Variants in GRID2IP observed in about 807,000 individuals in gnomAD.
GRID2IP encodes the protein Grid2 interacting protein.
In GRID2IP, 78 loss-of-function variants were observed where a neutral mutation model predicts 114.3. The observed-to-expected ratio is 0.68, with a 90% CI of 0.57 to 0.82. The LOEUF is 0.82. Ranked by LOEUF, GRID2IP falls within the 40% of genes least tolerant of loss-of-function variation. The pLI is 0.00. For missense variants in GRID2IP, 1,727 were observed against 1,678.5 expected, an observed-to-expected ratio of 1.03 and a Z score of -0.51; for synonymous variants, 809 against 724.0, an observed-to-expected ratio of 1.12 and a Z score of -1.89.
rs909401238 is a variant in GRID2IP at position 6,506,943 on chromosome 7, A to G, written c.2545-1036T>C. 1.3e-5 allele frequency among the ~76,000 whole-genome samples: 2 copies of G among 152,058 alleles called. No homozygotes were observed. Among genetic ancestry groups the G allele is most frequent in the Admixed American group, 6.6e-5 (1 of 15,256 alleles). ...AGCAGTCCTCCCGCCTCAGCCTCCC[A>G]AAGTGCTGGGATTACAGGCGTGAAC... On this transcript the variant is annotated intron_variant, in intron 13 of 21. Transcript: ENST00000457091. The surrounding 1 kb of genome is among the most constrained non-coding windows in gnomAD (Gnocchi z 5.2).
intron 2 of GRID2IP, among the ~76,000 whole-genome samples, chr7:6,531,663 T>C (rs1779628602): frequency 6.6e-6 from 1 of 152,240 alleles, no homozygotes; most frequent in Non-Finnish European, 1.5e-5. Flanking sequence ...CATGCCTGGC[T>C]AATTATCGGC....
chr7:6,499,334 C>T (rs1398312728), intron 20 of GRID2IP, among the ~76,000 whole-genome samples: 1 of 152,134 alleles, frequency 6.6e-6, no homozygotes, highest in African/African-American at 2.4e-5. Flanking sequence ...ACTGACTTGC[C>T]CATAGTCCCA....
chr7:6,511,419 T>C (rs950224909), intron 8 of GRID2IP, among the ~76,000 whole-genome samples: 2 of 151,906 alleles, frequency 1.3e-5, no homozygotes, highest in South Asian at 2.1e-4. Context: ...GTTGCCCAGG[T>C]GGGAGTGCAG....
intron 9 of GRID2IP, 61 bp from the exon 10 acceptor site, chr7:6,510,767 C>A (rs1451570150): frequency 6.7e-7 from 1 of 1,502,402 alleles, no homozygotes; most frequent in East Asian, 2.5e-5. Context: ...CGGCCCAGAA[C>A]CAACATGCCC....
rs769629826 is a variant in GRID2IP, at chr7:6,497,883, T to C, written c.3565-38A>G. The C allele has an allele frequency of 2.6e-6, 4 of 1,523,214 alleles. No homozygotes were observed. In the African/African-American group the frequency reaches 5.5e-5, roughly 21 times the overall value. 94.4% of individuals were successfully genotyped at this position (1,523,214 alleles called of 1,614,324 possible). ...AACACAGAGGTAGGGTGGTCAGTGGTCCCAGGAACCTGTGACGCCTTCCCT... is the reference window on the plus strand; with the variant it reads ...AACACAGAGGTAGGGTGGTCAGTGGCCCCAGGAACCTGTGACGCCTTCCCT... On this transcript the variant is annotated intron_variant, in intron 21 of 21. Coordinates refer to ENST00000457091, the MANE Select transcript of GRID2IP (RefSeq NM_001145118.2).
At position 6,515,199 on chromosome 7, in the gene GRID2IP, C is replaced by T. The variant is rs190051766; in HGVS notation, c.1269-670G>A. Among the ~76,000 whole-genome samples, 36 of 152,182 alleles carry T rather than the reference C, an allele frequency of 2.4e-4. No individual in the cohort carries two copies. The East Asian group carries it at 4.6e-3, about 20-fold the overall frequency. ...AGAGCAGGCCTGGCGTGGCGGCTCA[C>T]GCCTGTAATCCCAGCACTGTGGGAG... On this transcript the variant is annotated intron_variant, in intron 7 of 21. Coordinates refer to ENST00000457091, the MANE Select transcript of GRID2IP (RefSeq NM_001145118.2).
chr7:6,504,976 G>A, intron 14 of GRID2IP, 106 bp from the exon 15 acceptor site: 2 of 852,540 alleles, frequency 2.3e-6, no homozygotes, highest in Non-Finnish European at 3.8e-6. Flanking sequence ...CCCTAAGCAC[G>A]ACCTCGACTT....
chr7:6,539,324 T>C (rs933161490), intron 2 of GRID2IP, among the ~76,000 whole-genome samples: 1 of 152,002 alleles, frequency 6.6e-6, no homozygotes, highest in African/African-American at 2.4e-5. Context: ...ATGGGGTCTT[T>C]CTATGTTGCG....
chr7:6,497,520 G>A lies in GRID2IP; in HGVS notation c.*254C>T, dbSNP rs1786287091. ...AAGTGGGAAGTGGGCCCAAGAAGCCGACAGAGCACGGTCCTCCATGTGCAG... is the reference window on the plus strand; with the variant it reads ...AAGTGGGAAGTGGGCCCAAGAAGCCAACAGAGCACGGTCCTCCATGTGCAG... On this transcript the variant is annotated 3_prime_UTR_variant, in exon 22 of 22. Coordinates refer to ENST00000457091, the MANE Select transcript of GRID2IP (RefSeq NM_001145118.2). The A allele has an allele frequency of 1.1e-5, 4 of 380,372 alleles. No homozygotes were observed. Among genetic ancestry groups the A allele is most frequent in the South Asian group, 7.0e-5 (1 of 14,354 alleles). The allele number at this position is 380,372 out of a possible 1,614,324, so 23.6% of individuals were successfully genotyped here. A position where few individuals can be genotyped will look rare whatever the true frequency, so the allele number is the denominator to read the frequency against.
intron 15 of GRID2IP, 67 bp from the exon 16 acceptor site, chr7:6,503,754 G>GAGGGC (rs1374152954): frequency 2.4e-6 from 3 of 1,253,642 alleles, no homozygotes; most frequent in Non-Finnish European, 3.2e-6. Flanking sequence ...CCAAGACGGA[G>GAGGGC]AGGGCAGGGC....
intron 4 of GRID2IP, 98 bp from the exon 5 acceptor site, chr7:6,522,055 G>A: frequency 2.1e-6 from 2 of 973,768 alleles, no homozygotes; most frequent in South Asian, 2.9e-5. Flanking sequence ...TGGAGACTCA[G>A]AGACCCATAG....
rs921639198 is a variant in GRID2IP, at chr7:6,521,116, A to G, written c.1084+313T>C. On this transcript the variant is annotated intron_variant, in intron 6 of 21. Transcript: ENST00000457091. The surrounding 1 kb of genome is among the most constrained non-coding windows in gnomAD (Gnocchi z 4.1). ...CTCCCAAGTAGCTGGGACTACAGGC[A>G]CGTGCCATCACGCCCAGCTAGTTTT... Among the ~76,000 whole-genome samples, 1 of 152,116 alleles carries G rather than the reference A, an allele frequency of 6.6e-6. No individual in the cohort carries two copies. Among genetic ancestry groups the G allele is most frequent in the African/African-American group, 2.4e-5 (1 of 41,426 alleles).
In GRID2IP at chr7:6,497,828, C is replaced by T. The variant is rs1786299467; in HGVS notation, c.3582G>A (p.Leu1194=). ...MSKFERALSD[L]QAGEGLRSSG... ...AGCTGCGCAGGCCCTCCCCGGCCTG[C>T]AGGTCACTCAGCGCTCGCTGGGGAG... The change falls in exon 22 of 22, where the codon CTG becomes CTA. Residue 1194 remains leucine, a synonymous_variant. Coordinates refer to ENST00000457091, the MANE Select transcript of GRID2IP (RefSeq NM_001145118.2). The T allele has an allele frequency of 6.5e-7, 1 of 1,550,118 alleles. No homozygotes were observed. Among genetic ancestry groups the T allele is most frequent in the African/African-American group, 1.4e-5 (1 of 73,066 alleles).
Position 6,503,630 on chromosome 7 carries a change from C to G in GRID2IP, c.2768G>C (p.Ser923Thr). The change falls in exon 16 of 22, where the codon AGC becomes ACC. Residue 923 changes from serine to threonine, a missense_variant. By Grantham distance (58) the Ser-to-Thr change is moderately conservative. Transcript: ENST00000457091. The part of the protein sequence containing the change: ...SPAELRQVLM[S>T]MEPRRLEPAH... ...GGGCTCCAGGCGCCGGGGCTCCATG[C>G]TCATCAGCACCTGGCGCAGCTCCGC... The G allele has an allele frequency of 6.6e-7, 1 of 1,526,608 alleles. No individual in the cohort carries two copies. The highest frequency in any genetic ancestry group is 8.7e-7 in the Non-Finnish European group (1 of 1,143,382). The allele number at this position is 1,526,608 out of a possible 1,614,324, so 94.6% of individuals were successfully genotyped here.
Position 6,502,788 on chromosome 7 carries a change from C to A in GRID2IP, c.3148G>T (p.Glu1050Ter). The A allele has an allele frequency of 6.4e-7, 1 of 1,551,200 alleles. No individual in the cohort carries two copies. Among genetic ancestry groups the A allele is most frequent in the East Asian group, 2.4e-5 (1 of 40,916 alleles). Residue 1050 changes from glutamate (E) to a stop codon, truncating the protein, a stop_gained and splice_region_variant, in exon 18 of 22, where the codon GAG (glutamate) becomes TAG (stop). Coordinates refer to ENST00000457091, the MANE Select transcript of GRID2IP (RefSeq NM_001145118.2). LOFTEE classifies it high-confidence loss of function. ...TTGCTGCCGGCAGGTCCCCTCACCT[C>A]TGTCAGAAAGTTGATCTTGAAGCCC... ...TTGFKINFLTELNSTKTVDGK... is the reference protein window; with the variant it reads ...TTGFKINFLT
At chr7:6,546,698 C>G (rs1347058384) in intron 1 of GRID2IP, among the ~76,000 whole-genome samples, 1 of 152,100 alleles carries the variant, frequency 6.6e-6, no homozygotes, top group African/African-American at 2.4e-5. Flanking sequence ...CCAAAATCCT[C>G]CACTTCCCCG....
Position 6,550,537 on chromosome 7 carries a change from G to A in GRID2IP, c.429+471C>T, listed in dbSNP as rs1024814589. ...TAAAAATTGCAAAATTAGGCCGGGC[G>A]CAGTGGCTCATGCCTGTAATCCCAG... On this transcript the variant is annotated intron_variant, in intron 1 of 21. Transcript: ENST00000457091. 7.9e-5 allele frequency among the ~76,000 whole-genome samples: 12 copies of A among 151,808 alleles called. No individual in the cohort carries two copies. In the East Asian group the frequency reaches 9.7e-4, roughly 12 times the overall value.
intron 17 of GRID2IP, 34 bp downstream of exon 17, chr7:6,502,974 C>G (rs1309961961): frequency 7.1e-6 from 11 of 1,550,950 alleles, no homozygotes; most frequent in Non-Finnish European, 7.0e-6. Flanking sequence ...GGCAGAGAAG[C>G]AGATAGGGTG....
chr7:6,508,330 G>T lies in GRID2IP; in HGVS notation c.2199C>A (p.Ser733Arg). The change falls in exon 13 of 22, where the codon AGC (serine) becomes AGA (arginine). Residue 733 changes from serine to arginine, a missense_variant. Ser to Arg is a moderately radical substitution (Grantham distance 110, BLOSUM62 -1). Coordinates refer to ENST00000457091, the MANE Select transcript of GRID2IP (RefSeq NM_001145118.2). This position sits in a 1 kb window ranked among gnomAD's most constrained non-coding sequence, Gnocchi z 5.6. ...AGGTCAGGGAGCTGCCTTCTTCACT[G>T]CTGCTGATGCAGTCGCTGGCGCTGC... ...ERSSASDCIS[S>R]SEEGSSLTYS... The T allele has an allele frequency of 6.4e-7, 1 of 1,551,470 alleles. No individual in the cohort carries two copies. Among genetic ancestry groups the T allele is most frequent in the Non-Finnish European group, 8.7e-7 (1 of 1,147,032 alleles).
Sources: gnomAD v4.1 joint callset for allele counts (sites outside exome capture counted in the v4.1 genomes callset) on GRCh38, gnomAD v4.1.1 for gene constraint, Gnocchi (gnomAD v3.1) non-coding constraint, MANE v1.5 for transcripts, NCBI Gene and HGNC (gene_info 2026-07-23, HGNC 2026-07-21) for gene names.